SCFD2: variants seen among roughly 807,000 people sequenced by gnomAD.
The protein encoded by SCFD2 is sec1 family domain-containing protein 2.
Under a neutral mutation model 58.9 loss-of-function variants are expected in SCFD2, and 54 were observed. The ratio of observed to expected loss-of-function variants is 0.92; its 90% CI spans 0.74 to 1.15. SCFD2 has a LOEUF of 1.15. Among genes scored for constraint, SCFD2 ranks in the 50% most tolerant of loss-of-function variants. The pLI is 0.00. For missense variants in SCFD2, 805 were observed against 836.6 expected, an observed-to-expected ratio of 0.96 and a Z score of 0.47; for synonymous variants, 321 against 335.9, an observed-to-expected ratio of 0.96 and a Z score of 0.49.
chr4:52,981,508 G>C (rs1721374544), intron 5 of SCFD2, among the ~76,000 whole-genome samples: 1 of 152,132 alleles, frequency 6.6e-6, no homozygotes, highest in Admixed American at 6.6e-5. Flanking sequence ...CAGGGTCAGT[G>C]CTGAGTAGAG....
chr4:53,291,308 C>T (rs192536212), intron 3 of SCFD2, among the ~76,000 whole-genome samples: 1,823 of 152,182 alleles, frequency 0.012, 15 homozygotes, highest in Non-Finnish European at 0.021. Flanking sequence ...AATCAAAAAT[C>T]ACAAGCATTT....
At chr4:53,118,209 G>A (rs1725378015) in intron 5 of SCFD2, among the ~76,000 whole-genome samples, 1 of 152,178 alleles carries the variant, frequency 6.6e-6, no homozygotes, top group Non-Finnish European at 1.5e-5. Flanking sequence ...GAGGGCAGGG[G>A]ATTTTTTCTT....
At chr4:53,096,544 T>C (rs538101679) in intron 5 of SCFD2, among the ~76,000 whole-genome samples, 1 of 151,974 alleles carries the variant, frequency 6.6e-6, no homozygotes, top group Non-Finnish European at 1.5e-5. Context: ...TCATATCCTT[T>C]GCCCACTTTT....
intron 2 of SCFD2, among the ~76,000 whole-genome samples, chr4:53,344,081 G>T (rs1241630919): frequency 6.6e-6 from 1 of 151,884 alleles, no homozygotes; most frequent in Admixed American, 6.6e-5. Flanking sequence ...TCAACATAGT[G>T]TTGGAAGTTC....
intron 4 of SCFD2, among the ~76,000 whole-genome samples, chr4:53,193,984 T>C (rs1210878289): frequency 3.3e-5 from 5 of 152,190 alleles, no homozygotes; most frequent in Non-Finnish European, 7.4e-5. Flanking sequence ...AGTCATAAAA[T>C]AGAGTGCTAT....
intron 4 of SCFD2, among the ~76,000 whole-genome samples, chr4:53,257,270 A>G (rs1223715825): frequency 6.6e-6 from 1 of 152,208 alleles, no homozygotes; most frequent in Non-Finnish European, 1.5e-5. Flanking sequence ...TGAGCAGGCT[A>G]GGCCTCCCAT....
chr4:53,317,053 G>A (rs1732887068), intron 2 of SCFD2, among the ~76,000 whole-genome samples: 1 of 150,208 alleles, frequency 6.7e-6, no homozygotes, highest in South Asian at 2.1e-4. Flanking sequence ...GTTGCAGTGA[G>A]CCAAGATCAT....
At chr4:53,232,916 G>T (rs1265360712) in intron 4 of SCFD2, among the ~76,000 whole-genome samples, 1 of 152,160 alleles carries the variant, frequency 6.6e-6, no homozygotes, top group Non-Finnish European at 1.5e-5. Context: ...GCAAGGCATA[G>T]ACTTTCCAGA....
intron 5 of SCFD2, among the ~76,000 whole-genome samples, chr4:52,929,208 G>C (rs1719932529): frequency 6.6e-6 from 1 of 152,190 alleles, no homozygotes; most frequent in Non-Finnish European, 1.5e-5. Context: ...AGAAGGATGG[G>C]TGAGGAAGGC....
rs1482799502 is a variant in SCFD2 at position 53,127,579 on chromosome 4, T to C, written c.1561+17754A>G. On this transcript the variant is annotated intron_variant, in intron 5 of 8. Transcript: ENST00000401642. ...ACAATGGGGTTGTGAGGCATTGAGC[T>C]GGTCTGGAGGTTCAGAGAAGGCTGA... 2.0e-5 allele frequency among the ~76,000 whole-genome samples: 3 copies of C among 152,176 alleles called. No individual in the cohort carries two copies. The East Asian group carries it at 5.8e-4, about 29-fold the overall frequency.
At chr4:53,300,224 C>T (rs1382370724) in intron 3 of SCFD2, among the ~76,000 whole-genome samples, 3 of 152,092 alleles carry the variant, frequency 2.0e-5, no homozygotes, top group Non-Finnish European at 4.4e-5. Context: ...CAGAGACACA[C>T]ACAGGCTCAA....
At chr4:53,004,116 C>T (rs1353727075) in intron 5 of SCFD2, among the ~76,000 whole-genome samples, 1 of 152,190 alleles carries the variant, frequency 6.6e-6, no homozygotes, top group African/African-American at 2.4e-5. Flanking sequence ...AGAAGCAGTA[C>T]TTAGGTGTCC....
At chr4:53,313,172 G>A (rs971637936) in intron 3 of SCFD2, among the ~76,000 whole-genome samples, 4 of 152,100 alleles carry the variant, frequency 2.6e-5, no homozygotes, top group African/African-American at 9.7e-5. Context: ...TTGACAATTA[G>A]GACTCTAAGG....
chr4:53,047,381 G>A (rs1185578238), intron 5 of SCFD2, among the ~76,000 whole-genome samples: 4 of 152,166 alleles, frequency 2.6e-5, no homozygotes, highest in Admixed American at 6.6e-5. Flanking sequence ...GCATGAGGTC[G>A]AGGTGGCAGT....
intron 5 of SCFD2, among the ~76,000 whole-genome samples, chr4:53,005,218 T>A (rs891289792): frequency 6.6e-5 from 10 of 152,138 alleles, no homozygotes; most frequent in Admixed American, 6.5e-4. Context: ...TACTCTTAAC[T>A]TTGGTCATGA....
Position 53,241,182 on chromosome 4 carries a change from A to G in SCFD2, c.1311+32644T>C, listed in dbSNP as rs577093384. On this transcript the variant is annotated intron_variant, in intron 4 of 8. Coordinates refer to ENST00000401642, the MANE Select transcript of SCFD2 (RefSeq NM_152540.4). ...GGCAGGAGGAGACCCCTCAACCACCAAAGACAAATGAGTTGGCAGAGAGAT... is the reference window on the plus strand; with the variant it reads ...GGCAGGAGGAGACCCCTCAACCACCGAAGACAAATGAGTTGGCAGAGAGAT... Among the ~76,000 whole-genome samples, 62 of 152,348 alleles carry G rather than the reference A, an allele frequency of 4.1e-4. No individual in the cohort carries two copies. The South Asian group carries it at 0.012, about 31-fold the overall frequency.
Position 53,365,297 on chromosome 4 carries a change from C to T in SCFD2, c.645G>A (p.Gln215=). 1.2e-6 allele frequency: 2 copies of T among 1,614,216 alleles called. No individual in the cohort carries two copies. Among genetic ancestry groups the T allele is most frequent in the East Asian group, 4.5e-5 (2 of 44,886 alleles). The stretch of plus-strand genomic sequence containing the variant: ...TGAGGCCTGACACTAGGCATCTGAT[C>T]TGCAGCAGCAGCTCTGGGGTTAGCG... The part of the protein sequence containing the change: ...STTLTPELLL[Q]IRCLVSGLSS... Residue 215 remains glutamine (Q), a synonymous_variant, in exon 1 of 9, where the codon CAG becomes CAA. Coordinates refer to ENST00000401642, the MANE Select transcript of SCFD2 (RefSeq NM_152540.4). This position sits in a 1 kb window ranked among gnomAD's most constrained non-coding sequence, Gnocchi z 4.3.
chr4:52,900,008 T>C (rs1719141877), intron 7 of SCFD2, among the ~76,000 whole-genome samples: 1 of 152,254 alleles, frequency 6.6e-6, no homozygotes, highest in Admixed American at 6.5e-5. Flanking sequence ...CATCAGGTCC[T>C]TTAAGGACTT....
At chr4:53,044,059 A>G (rs1722964122) in intron 5 of SCFD2, among the ~76,000 whole-genome samples, 1 of 152,140 alleles carries the variant, frequency 6.6e-6, no homozygotes, top group Non-Finnish European at 1.5e-5. Flanking sequence ...CTGTCACCCC[A>G]TTGGCATCCT....
Sources: allele counts gnomAD v4.1 joint callset (sites outside exome capture counted in the v4.1 genomes callset), GRCh38; gene constraint gnomAD v4.1.1; non-coding constraint Gnocchi (gnomAD v3.1); transcripts MANE v1.5; gene names NCBI Gene and HGNC (gene_info 2026-07-23, HGNC 2026-07-21).